The following MTHFD1L variants were observed in gnomAD, a reference collection of about 807,000 sequenced individuals.
The protein encoded by MTHFD1L is methylenetetrahydrofolate dehydrogenase (NADP+ dependent) 1 like, also known as monofunctional C1-tetrahydrofolate synthase, mitochondrial.
A neutral mutation model predicts 119.5 loss-of-function variants in MTHFD1L; 81 were observed. That is an observed-to-expected ratio of 0.68 (90% CI 0.57 to 0.82). The LOEUF is 0.82. Among genes scored for constraint, MTHFD1L ranks in the 40% least tolerant of loss-of-function variants. MTHFD1L has a pLI of 0.00. For synonymous variants in MTHFD1L, 430 were observed against 475.2 expected, an observed-to-expected ratio of 0.90 and a Z score of 1.24; for missense variants, 1,125 against 1,253.4, an observed-to-expected ratio of 0.90 and a Z score of 1.55.
chr6:150,962,899 TTTTTCTTTTCTTTTC>T (rs1239285900), intron 18 of MTHFD1L, among the ~76,000 whole-genome samples: 16 of 147,948 alleles, frequency 1.1e-4, no homozygotes, highest in African/African-American at 4.0e-4. Flanking sequence ...GAAGATTTCT[TTTTTCTTTTCTTTTC>T]TTTTTTTTTT....
intron 20 of MTHFD1L, among the ~76,000 whole-genome samples, chr6:150,981,980 G>A (rs1034383103): frequency 6.6e-6 from 1 of 152,038 alleles, no homozygotes; most frequent in South Asian, 2.1e-4. Context: ...CCAGCTACTC[G>A]GGAGGCTGAG....
At chr6:151,011,523 G>A (rs1782217111) in intron 21 of MTHFD1L, among the ~76,000 whole-genome samples, 1 of 152,140 alleles carries the variant, frequency 6.6e-6, no homozygotes, top group Non-Finnish European at 1.5e-5. Flanking sequence ...CTACAGTCCT[G>A]GTCTCTTGAC....
intron 1 of MTHFD1L, among the ~76,000 whole-genome samples, chr6:150,872,932 G>A (rs1039001142): frequency 6.6e-6 from 1 of 151,732 alleles, no homozygotes; most frequent in African/African-American, 2.4e-5. Context: ...AAAGTGCTGG[G>A]ATTACAGGCA....
intron 1 of MTHFD1L, chr6:150,866,411 C>T (rs1408668171): frequency 3.7e-6 from 5 of 1,356,838 alleles, no homozygotes; most frequent in Non-Finnish European, 4.7e-6. Context: ...GCGGCTGGGG[C>T]GGAAACCAGG....
intron 26 of MTHFD1L, among the ~76,000 whole-genome samples, chr6:151,087,218 C>T (rs1793891471): frequency 6.6e-6 from 1 of 151,592 alleles, no homozygotes; most frequent in African/African-American, 2.4e-5. Flanking sequence ...TGCTGCAGTC[C>T]AGCCTGGGCG....
At chr6:150,866,333 A>C (rs111589914) in intron 1 of MTHFD1L, 2 of 1,452,086 alleles carry the variant, frequency 1.4e-6, no homozygotes, top group Non-Finnish European at 1.8e-6. Flanking sequence ...GCCCGGCTCC[A>C]CGTGCGCAGC....
intron 26 of MTHFD1L, among the ~76,000 whole-genome samples, chr6:151,043,509 C>T (rs1310982095): frequency 1.3e-5 from 2 of 152,072 alleles, no homozygotes; most frequent in Non-Finnish European, 2.9e-5. Flanking sequence ...TCAAGTAAGC[C>T]ACTGCGCCCG....
At chr6:150,945,652 C>T in intron 15 of MTHFD1L, 111 bp downstream of exon 15, 3 of 1,006,942 alleles carry the variant, frequency 3.0e-6, no homozygotes, top group Non-Finnish European at 4.5e-6. Flanking sequence ...TTCAGATATC[C>T]TTTTGGGTAT....
At chr6:150,981,764 A>G (rs1777532609) in intron 20 of MTHFD1L, among the ~76,000 whole-genome samples, 4 of 152,170 alleles carry the variant, frequency 2.6e-5, no homozygotes, top group Admixed American at 2.6e-4. Flanking sequence ...TTCACGTGTA[A>G]TAATACTCTT....
At chr6:150,900,219 A>T (rs1784898979) in intron 7 of MTHFD1L, among the ~76,000 whole-genome samples, 1 of 151,866 alleles carries the variant, frequency 6.6e-6, no homozygotes, top group Non-Finnish European at 1.5e-5. Context: ...GTAGTTCCTA[A>T]TTGCCAAAAG....
chr6:151,044,907 C>T (rs1364398443), intron 26 of MTHFD1L, among the ~76,000 whole-genome samples: 2 of 152,168 alleles, frequency 1.3e-5, no homozygotes, highest in African/African-American at 4.8e-5. Flanking sequence ...GCTGCGGCCC[C>T]GGCCCGTGGA....
chr6:150,979,224 G>A lies in MTHFD1L; in HGVS notation c.2125+7166G>A, dbSNP rs145138480. Among the ~76,000 whole-genome samples, 82 of 152,258 alleles carry A rather than the reference G, an allele frequency of 5.4e-4. 1 individual carries two copies. The highest frequency in any genetic ancestry group is 1.9e-3 in the African/African-American group (78 of 41,570). On this transcript the variant is annotated intron_variant, in intron 20 of 27. Transcript: ENST00000367321. ...TCGCACTCCAGCCTGGGCAACAAGAGCAAAACTCTGTCTCAAAAAAATAAG... is the reference window on the plus strand; with the variant it reads ...TCGCACTCCAGCCTGGGCAACAAGAACAAAACTCTGTCTCAAAAAAATAAG...
intron 6 of MTHFD1L, among the ~76,000 whole-genome samples, chr6:150,886,011 C>T (rs546412256): frequency 1.2e-4 from 19 of 152,226 alleles, no homozygotes; most frequent in African/African-American, 2.9e-4. Context: ...TAGAGATAAA[C>T]GATTAGCCCT....
intron 26 of MTHFD1L, among the ~76,000 whole-genome samples, chr6:151,037,463 A>G (rs1584257865): frequency 6.6e-6 from 1 of 152,130 alleles, no homozygotes; most frequent in Non-Finnish European, 1.5e-5. Flanking sequence ...AGCACCCAAA[A>G]TGATGTCATC....
intron 20 of MTHFD1L, among the ~76,000 whole-genome samples, chr6:151,000,824 A>T (rs984629052): frequency 6.6e-6 from 1 of 152,138 alleles, no homozygotes; most frequent in African/African-American, 2.4e-5. Context: ...TCTACTTTCT[A>T]TTTCTTTTAG....
chr6:150,969,440 G>A (rs2129015793), intron 19 of MTHFD1L, among the ~76,000 whole-genome samples: 1 of 151,202 alleles, frequency 6.6e-6, no homozygotes, highest in Non-Finnish European at 1.5e-5. Flanking sequence ...AGGTTGCAGT[G>A]AGCAGAGATC....
At chr6:151,034,156 G>T (rs149894610) in intron 24 of MTHFD1L, among the ~76,000 whole-genome samples, 1,781 of 151,034 alleles carry the variant, frequency 0.012, 30 homozygotes, top group African/African-American at 0.04. Flanking sequence ...ACGACAGAGT[G>T]ATACTGTCTT....
chr6:151,027,470 T>C (rs1162647719), intron 24 of MTHFD1L, among the ~76,000 whole-genome samples: 3 of 152,170 alleles, frequency 2.0e-5, no homozygotes, highest in African/African-American at 4.8e-5. Context: ...GGCAAGTAAA[T>C]ATATTAGTCA....
intron 26 of MTHFD1L, among the ~76,000 whole-genome samples, chr6:151,046,634 G>C (rs576982631): frequency 1.3e-5 from 2 of 151,366 alleles, no homozygotes; most frequent in Non-Finnish European, 2.9e-5. Context: ...CTTCCAAAAG[G>C]CACCCATAAA....
Sources: allele counts gnomAD v4.1 joint callset (sites outside exome capture counted in the v4.1 genomes callset), GRCh38; gene constraint gnomAD v4.1.1; transcripts MANE v1.5; gene names NCBI Gene and HGNC (gene_info 2026-07-23, HGNC 2026-07-21).